The following TAF3 variants were observed in gnomAD, a reference collection of about 807,000 sequenced individuals.
The protein encoded by TAF3 is TATA-box binding protein associated factor 3, also known as transcription initiation factor TFIID subunit 3.
Under a neutral mutation model 80.6 loss-of-function variants are expected in TAF3, and 7 were observed. The ratio of observed to expected loss-of-function variants is 0.09; its 90% confidence interval spans 0.05 to 0.16. TAF3 has a LOEUF of 0.16. Among genes scored for constraint, TAF3 ranks in the 10% least tolerant of loss-of-function variants. TAF3 has a pLI of 1.00. For missense variants in TAF3, 921 were observed against 1,140.2 expected, an observed-to-expected ratio of 0.81 and a Z score of 2.77; for synonymous variants, 444 against 446.1, an observed-to-expected ratio of 1.00 and a Z score of 0.06.
chr10:7,969,883 C>T (rs1564374232), intron 3 of TAF3, among the ~76,000 whole-genome samples: 1 of 152,210 alleles, frequency 6.6e-6, no homozygotes, highest in Non-Finnish European at 1.5e-5. Context: ...CCCATCCTCG[C>T]AGACCCTCTG....
intron 3 of TAF3, chr10:7,975,086 A>AG (rs1831658691): frequency 3.6e-6 from 1 of 278,670 alleles, no homozygotes; most frequent in Admixed American, 5.1e-5. Flanking sequence ...AAAAAAAAAA[A>AG]AAAAAAGAGT....
chr10:7,836,177 T>C (rs995315727), intron 2 of TAF3, among the ~76,000 whole-genome samples: 11 of 152,196 alleles, frequency 7.2e-5, no homozygotes, highest in African/African-American at 2.4e-4. Flanking sequence ...TTTCCTACTC[T>C]CATAGTTTGA....
intron 2 of TAF3, among the ~76,000 whole-genome samples, chr10:7,830,566 C>T (rs772406989): frequency 7.6e-6 from 1 of 131,584 alleles, no homozygotes; most frequent in Admixed American, 9.3e-5. Flanking sequence ...TCACTGCAAA[C>T]TCCACCTCCT....
In TAF3 at chr10:7,965,727, A is replaced by G. The variant is rs145403264; in HGVS notation, c.2217A>G (p.Lys739=). 10,140 of 1,538,328 alleles carry G rather than the reference A, an allele frequency of 6.6e-3. 43 individuals are homozygous for G. The highest frequency in any genetic ancestry group is 7.6e-3 in the Non-Finnish European group (8,750 of 1,152,478). ...AGAAGAGAGAAAAAGAGAAGGAGAA[A>G]CACAAGCATGAAAAAGTAAGCAGTT... ...EREKREKEKE[K]HKHEKIKVEP... is the part of the protein sequence containing the mutation. Residue 739 remains lysine (K), a synonymous_variant, in exon 3 of 7, where the codon AAA becomes AAG. Transcript: ENST00000344293.
At chr10:7,932,987 C>A (rs1471850756) in intron 2 of TAF3, among the ~76,000 whole-genome samples, 1 of 151,818 alleles carries the variant, frequency 6.6e-6, no homozygotes, top group Non-Finnish European at 1.5e-5. Flanking sequence ...GCCTGTGTTC[C>A]ACTTAATATT....
intron 2 of TAF3, among the ~76,000 whole-genome samples, chr10:7,825,414 G>A (rs1244474): frequency 0.35 from 53,372 of 151,924 alleles, 9,349 homozygotes; most frequent in South Asian, 0.44. Context: ...TTGTTATTCA[G>A]CCATCATCCC....
intron 2 of TAF3, among the ~76,000 whole-genome samples, chr10:7,918,053 A>T (rs1356979654): frequency 6.6e-6 from 1 of 152,224 alleles, no homozygotes; most frequent in African/African-American, 2.4e-5. Flanking sequence ...GGATTCGGAT[A>T]TTATGGCATA....
intron 2 of TAF3, among the ~76,000 whole-genome samples, chr10:7,843,829 G>A (rs1836942982): frequency 6.6e-6 from 1 of 151,668 alleles, no homozygotes; most frequent in African/African-American, 2.4e-5. Context: ...AAATATAATG[G>A]TTAAATACAC....
intron 5 of TAF3, among the ~76,000 whole-genome samples, chr10:8,012,181 A>G (rs1035321565): frequency 5.9e-5 from 9 of 152,150 alleles, no homozygotes; most frequent in African/African-American, 2.2e-4. Context: ...CTGTCTTTAA[A>G]ATAAAAATGA....
chr10:7,822,555 C>T (rs1836700805), intron 1 of TAF3, among the ~76,000 whole-genome samples: 1 of 152,008 alleles, frequency 6.6e-6, no homozygotes, highest in African/African-American at 2.4e-5. Context: ...CCACCACAGC[C>T]CTCGCCTCTA....
At chr10:8,010,355 AG>A (rs1832042506) in intron 5 of TAF3, among the ~76,000 whole-genome samples, 1 of 152,212 alleles carries the variant, frequency 6.6e-6, no homozygotes, top group South Asian at 2.1e-4. Flanking sequence ...GCATATATAC[AG>A]TAATATCAAT....
At chr10:8,010,239 C>T (rs1009194715) in intron 5 of TAF3, among the ~76,000 whole-genome samples, 2 of 152,184 alleles carry the variant, frequency 1.3e-5, no homozygotes, top group African/African-American at 2.4e-5. Flanking sequence ...TTTTTCACTG[C>T]ATTTTCAAGC....
Position 7,842,162 on chromosome 10 carries a change from TTGTTTTTTTTTTTG to T in TAF3, c.409+17604_409+17617del, listed in dbSNP as rs774254764. ...ATTGAATTAATATTGTTTTTTTTTT[TTGTTTTTTTTTTTG>T]TTTTTTTTTTTTTTTGAGACAGAGT... On this transcript the variant is annotated intron_variant, in intron 2 of 6. Transcript: ENST00000344293. Among the ~76,000 whole-genome samples the T allele has an allele frequency of 5.5e-3, 491 of 89,958 alleles. 14 individuals carry two copies. The highest frequency in any genetic ancestry group is 0.014 in the South Asian group (30 of 2,156). 59.0% of individuals were successfully genotyped at this position (89,958 alleles called of 152,430 possible).
At chr10:7,991,239 AGTGTGT>A (rs1831830815) in intron 4 of TAF3, among the ~76,000 whole-genome samples, 1 of 151,960 alleles carries the variant, frequency 6.6e-6, no homozygotes. Context: ...ATATATAATA[AGTGTGT>A]ATGTGTGTGT....
intron 4 of TAF3, among the ~76,000 whole-genome samples, chr10:7,999,784 A>G (rs1831925752): frequency 6.6e-6 from 1 of 152,132 alleles, no homozygotes; most frequent in African/African-American, 2.4e-5. Context: ...GTACGAAAAT[A>G]CCATCATTGT....
At chr10:7,897,617 G>A (rs1048392908) in intron 2 of TAF3, among the ~76,000 whole-genome samples, 3 of 150,008 alleles carry the variant, frequency 2.0e-5, no homozygotes, top group Non-Finnish European at 4.4e-5. Flanking sequence ...TTTTATTTTC[G>A]CATAACTTCC....
chr10:7,933,005 C>A (rs1837883306), intron 2 of TAF3, among the ~76,000 whole-genome samples: 1 of 151,552 alleles, frequency 6.6e-6, no homozygotes, highest in African/African-American at 2.4e-5. Flanking sequence ...ATTAAATGAG[C>A]AAGACTAGAA....
At chr10:7,955,470 C>G (rs1838126077) in intron 2 of TAF3, among the ~76,000 whole-genome samples, 1 of 152,124 alleles carries the variant, frequency 6.6e-6, no homozygotes, top group African/African-American at 2.4e-5. Flanking sequence ...TGTTCCTTTG[C>G]TTAAAGTTTA....
At chr10:7,839,105 C>T (rs577293009) in intron 2 of TAF3, among the ~76,000 whole-genome samples, 13 of 151,904 alleles carry the variant, frequency 8.6e-5, no homozygotes, top group African/African-American at 2.7e-4. Flanking sequence ...AGTTACTTGC[C>T]CCTCGTTGCT....
Sources: allele counts gnomAD v4.1 joint callset (sites outside exome capture counted in the v4.1 genomes callset), GRCh38; gene constraint gnomAD v4.1.1; transcripts MANE v1.5; gene names NCBI Gene and HGNC (gene_info 2026-07-23, HGNC 2026-07-21).